PCDHGA5: variants seen among roughly 807,000 people sequenced by gnomAD.
The protein encoded by PCDHGA5 is protocadherin gamma-A5.
PCDHGA5 carries 36 observed loss-of-function variants against 56.7 expected under a neutral mutation model. The observed-to-expected ratio is 0.64, with a 90% CI of 0.49 to 0.84. PCDHGA5 has a LOEUF of 0.84. PCDHGA5 is among the 40% of genes least tolerant of loss of function. The pLI is 0.00. For synonymous variants in PCDHGA5, 563 were observed against 520.2 expected (o/e 1.08, Z -1.12); for missense variants, 1,305 against 1,201.5 (o/e 1.09, Z -1.27).
At position 141,404,471 on chromosome 5, in the gene PCDHGA5, A is replaced by G. The variant is rs200620626; in HGVS notation, c.2421+37720A>G. ...GTCTCCTCTCTCCACCTATGTCTCT[A>G]TTAACTCAGACACTGGTGTGCTGTA... On this transcript the variant is annotated intron_variant, in intron 1 of 3. Coordinates refer to ENST00000518069, the MANE Select transcript of PCDHGA5 (RefSeq NM_018918.3). 307 of 1,613,160 alleles carry G rather than the reference A, an allele frequency of 1.9e-4. No homozygotes were observed. Among genetic ancestry groups the G allele is most frequent in the Non-Finnish European group, 2.5e-4 (293 of 1,179,322 alleles).
At chr5:141,371,053 C>T (rs749864646) in intron 1 of PCDHGA5, 2 of 1,613,924 alleles carry the variant, frequency 1.2e-6, no homozygotes, top group Non-Finnish European at 1.7e-6. Flanking sequence ...GGGGGCGAGC[C>T]CTCCAGAAGC....
chr5:141,376,241 C>T (rs755837851), intron 1 of PCDHGA5: 1 of 1,614,118 alleles, frequency 6.2e-7, no homozygotes, highest in East Asian at 2.2e-5. Flanking sequence ...GCAGCGCTGG[C>T]ACAAGTCACG....
At position 141,485,831 on chromosome 5, in the gene PCDHGA5, C is replaced by A; in HGVS notation, c.2422-8976C>A. The A allele has an allele frequency of 6.2e-7, 1 of 1,614,080 alleles. No individual in the cohort carries two copies. Among genetic ancestry groups the A allele is most frequent in the Non-Finnish European group, 8.5e-7 (1 of 1,180,026 alleles). ...GCTGACTGCTGTCGATGGAGGGAAC[C>A]CGCCGAGATCTGGCACCGCAGAGCT... On this transcript the variant is annotated intron_variant, in intron 1 of 3. Coordinates refer to ENST00000518069, the MANE Select transcript of PCDHGA5 (RefSeq NM_018918.3). The surrounding 1 kb of genome is among the most constrained non-coding windows in gnomAD (Gnocchi z 5.7).
chr5:141,476,158 G>A lies in PCDHGA5; in HGVS notation c.2422-18649G>A. 2 of 1,612,868 alleles carry A rather than the reference G, an allele frequency of 1.2e-6. No homozygotes were observed. Among genetic ancestry groups the A allele is most frequent in the Non-Finnish European group, 1.7e-6 (2 of 1,179,894 alleles). On this transcript the variant is annotated intron_variant, in intron 1 of 3. Transcript: ENST00000518069. The surrounding 1 kb of genome is among the most constrained non-coding windows in gnomAD (Gnocchi z 7.6). ...GGAGGAGCGGACTGGTAAGCACCGGGAGGGTAGTGGGAGTTTTGCTTCTGC... is the reference window on the plus strand; with the variant it reads ...GGAGGAGCGGACTGGTAAGCACCGGAAGGGTAGTGGGAGTTTTGCTTCTGC...
rs372065725 is a variant in PCDHGA5 at position 141,371,830 on chromosome 5, C to G, written c.2421+5079C>G. On this transcript the variant is annotated intron_variant, in intron 1 of 3. Coordinates refer to ENST00000518069, the MANE Select transcript of PCDHGA5 (RefSeq NM_018918.3). ...ATTGCGCATGTCAGAGCCTCGGATC[C>G]CGACTTGGGACCTAATGGCCTTGTC... 51 of 1,613,696 alleles carry G rather than the reference C, an allele frequency of 3.2e-5. No homozygotes were observed. Among genetic ancestry groups the G allele is most frequent in the Non-Finnish European group, 4.0e-5 (47 of 1,179,912 alleles).
chr5:141,398,985 A>C, intron 1 of PCDHGA5: 2 of 1,613,964 alleles, frequency 1.2e-6, no homozygotes, highest in Non-Finnish European at 1.7e-6. Context: ...GAACCGGGCA[A>C]ATCTTTAGTC....
intron 1 of PCDHGA5, chr5:141,389,575 C>T: frequency 1.2e-6 from 2 of 1,613,242 alleles, no homozygotes; most frequent in African/African-American, 1.3e-5. Context: ...CTGTACCCCG[C>T]GCTGGGTCCC....
chr5:141,494,037 T>C (rs2099751443), intron 1 of PCDHGA5, among the ~76,000 whole-genome samples: 1 of 152,146 alleles, frequency 6.6e-6, no homozygotes, highest in South Asian at 2.1e-4. Context: ...GAGACTTAGT[T>C]GGCCCTGCTT....
chr5:141,491,938 C>A lies in PCDHGA5; in HGVS notation c.2422-2869C>A, dbSNP rs1207647899. Reference sequence around the variant, plus strand: ...TGTGGGCGAGGGGAGGTGGGACCGACCCCCACCCCTACACTCAAAAAAGGC... The same window carrying A: ...TGTGGGCGAGGGGAGGTGGGACCGAACCCCACCCCTACACTCAAAAAAGGC... On this transcript the variant is annotated intron_variant, in intron 1 of 3. Transcript: ENST00000518069. This position sits in a 1 kb window ranked among gnomAD's most constrained non-coding sequence, Gnocchi z 6.9. 1.7e-6 allele frequency: 2 copies of A among 1,199,072 alleles called. No homozygotes were observed. The highest frequency in any genetic ancestry group is 3.1e-5 in the Admixed American group (1 of 32,246). The allele number at this position is 1,199,072 out of a possible 1,614,324, so 74.3% of individuals were successfully genotyped here. A position where few individuals can be genotyped will look rare whatever the true frequency, so the allele number is the denominator to read the frequency against.
intron 2 of PCDHGA5, among the ~76,000 whole-genome samples, chr5:141,501,984 G>A (rs989251578): frequency 2.0e-5 from 3 of 152,042 alleles, no homozygotes; most frequent in African/African-American, 4.8e-5. Context: ...ATCTGGTCCC[G>A]TTGTCTCCCT....
intron 1 of PCDHGA5, chr5:141,428,464 G>A (rs904800167): frequency 1.1e-4 from 37 of 344,652 alleles, no homozygotes; most frequent in African/African-American, 6.3e-4. Context: ...CTACAATGAG[G>A]GAACTTTGCT....
At chr5:141,398,483 T>A (rs754131866) in intron 1 of PCDHGA5, 1 of 1,608,486 alleles carries the variant, frequency 6.2e-7, no homozygotes, top group Non-Finnish European at 8.5e-7. Flanking sequence ...TTTTATCACG[T>A]GAATGTGGAG....
intron 1 of PCDHGA5, chr5:141,395,958 A>G (rs1224647324): frequency 6.6e-6 from 1 of 152,208 alleles, no homozygotes; most frequent in Admixed American, 6.5e-5. Context: ...ACAAAAAACA[A>G]AAGCAAAAAC....
At position 141,487,030 on chromosome 5, in the gene PCDHGA5, T is replaced by C. The variant is rs773121109; in HGVS notation, c.2422-7777T>C. Reference sequence around the variant, plus strand: ...TGGAGGCCCCAGATCCCAGCCTGTTTGCAGTCTCTCGATATGCTGGGGAGG... The same window carrying C: ...TGGAGGCCCCAGATCCCAGCCTGTTCGCAGTCTCTCGATATGCTGGGGAGG... On this transcript the variant is annotated intron_variant, in intron 1 of 3. Coordinates refer to ENST00000518069, the MANE Select transcript of PCDHGA5 (RefSeq NM_018918.3). The surrounding 1 kb of genome is among the most constrained non-coding windows in gnomAD (Gnocchi z 5.0). 12 of 1,614,100 alleles carry C rather than the reference T, an allele frequency of 7.4e-6. No homozygotes were observed. Among genetic ancestry groups the C allele is most frequent in the Non-Finnish European group, 1.0e-5 (12 of 1,180,044 alleles).
In PCDHGA5 at chr5:141,493,930, A is replaced by G. The variant is rs547125826; in HGVS notation, c.2422-877A>G. Among the ~76,000 whole-genome samples the G allele has an allele frequency of 6.6e-6, 1 of 152,268 alleles. No homozygotes were observed. The highest frequency in any genetic ancestry group is 6.5e-5 in the Admixed American group (1 of 15,300). ...TGTGATGGGATAACACACCCCCTGG[A>G]AAGACCAGAAGGGACTCAGGAATGA... On this transcript the variant is annotated intron_variant, in intron 1 of 3. Transcript: ENST00000518069. This position sits in a 1 kb window ranked among gnomAD's most constrained non-coding sequence, Gnocchi z 4.3.
At chr5:141,410,438 G>T (rs957017717) in intron 1 of PCDHGA5, 1 of 1,613,894 alleles carries the variant, frequency 6.2e-7, no homozygotes, top group African/African-American at 1.3e-5. Flanking sequence ...CTACAGTGAG[G>T]GGACTTTGCC....
chr5:141,456,698 C>T (rs1466672057), intron 1 of PCDHGA5, among the ~76,000 whole-genome samples: 1 of 152,132 alleles, frequency 6.6e-6, no homozygotes, highest in Non-Finnish European at 1.5e-5. Flanking sequence ...GGCGTGGTGG[C>T]TCGCGCCTGT....
chr5:141,410,317 C>T lies in PCDHGA5; in HGVS notation c.2421+43566C>T, dbSNP rs527641698. ...CCTTAATCTCAGTGCTCTTCCTCCT[C>T]GCCGTGATTCTGGCCATTGCCTTGC... On this transcript the variant is annotated intron_variant, in intron 1 of 3. Coordinates refer to ENST00000518069, the MANE Select transcript of PCDHGA5 (RefSeq NM_018918.3). The T allele has an allele frequency of 2.7e-5, 43 of 1,614,010 alleles. No individual in the cohort carries two copies. In the East Asian group the frequency reaches 8.0e-4, roughly 30 times the overall value.
At chr5:141,501,198 G>C (rs2299024) in intron 2 of PCDHGA5, among the ~76,000 whole-genome samples, 89,086 of 151,686 alleles carry the variant, frequency 0.59, 27,759 homozygotes, top group African/African-American at 0.8. Context: ...TAAATTCAGG[G>C]TGTTGTCAGG....
Sources: gnomAD v4.1 joint callset for allele counts (sites outside exome capture counted in the v4.1 genomes callset) on GRCh38, gnomAD v4.1.1 for gene constraint, Gnocchi (gnomAD v3.1) non-coding constraint, MANE v1.5 for transcripts, NCBI Gene and HGNC (gene_info 2026-07-23, HGNC 2026-07-21) for gene names.